KLHDC8A: variants seen among roughly 807,000 people sequenced by gnomAD.
KLHDC8A encodes kelch domain containing 8A.
KLHDC8A carries 21 observed loss-of-function variants against 33.1 expected under a neutral mutation model. The observed-to-expected ratio is 0.64, with a 90% confidence interval of 0.45 to 0.91. The LOEUF (loss-of-function observed/expected upper bound fraction) is 0.91, where lower values mean the gene tolerates loss of function less well. KLHDC8A is among the 40% of genes least tolerant of loss of function. The pLI, the probability that KLHDC8A is intolerant of heterozygous loss-of-function variation, is 0.00. For missense variants in KLHDC8A, 435 were observed against 483.3 expected, an observed-to-expected ratio of 0.90 and a Z score of 0.94; for synonymous variants, 173 against 193.5, an observed-to-expected ratio of 0.89 and a Z score of 0.88.
At chr1:205,350,895 C>G (rs1385334617) in intron 1 of KLHDC8A, among the ~76,000 whole-genome samples, 1 of 152,152 alleles carries the variant, frequency 6.6e-6, no homozygotes, top group South Asian at 2.1e-4. Context: ...GGAGCTGGCT[C>G]TCCTTCTGGC....
rs190965711 is a variant in KLHDC8A at position 205,338,226 on chromosome 1, G to A, written c.859+269C>T. On this transcript the variant is annotated intron_variant, in intron 5 of 5. Coordinates refer to ENST00000367155, the MANE Select transcript of KLHDC8A (RefSeq NM_018203.3). Reference sequence around the variant, plus strand: ...ATTCCCGTTTAGGGATCTGTGCTCAGTAAGCCTGTGCTGCACGGCTACGGG... The same window carrying A: ...ATTCCCGTTTAGGGATCTGTGCTCAATAAGCCTGTGCTGCACGGCTACGGG... Among the ~76,000 whole-genome samples, 19 of 152,342 alleles carry A rather than the reference G, an allele frequency of 1.2e-4. No individual in the cohort carries two copies. The East Asian group carries it at 3.5e-3, about 28-fold the overall frequency.
At chr1:205,353,083 T>C (rs1663163424) in intron 1 of KLHDC8A, among the ~76,000 whole-genome samples, 1 of 152,352 alleles carries the variant, frequency 6.6e-6, no homozygotes, top group South Asian at 2.1e-4. Flanking sequence ...TTGGGAATTA[T>C]GTTCTGAGAG....
chr1:205,353,797 G>A (rs764615804), intron 1 of KLHDC8A, among the ~76,000 whole-genome samples: 27 of 152,196 alleles, frequency 1.8e-4, no homozygotes, highest in Non-Finnish European at 3.5e-4. Context: ...GAGGGCCCTT[G>A]TTGTATACCA....
rs376172299 is a variant in KLHDC8A, at chr1:205,343,371, C to T, written c.234G>A (p.Gly78=). 4.1e-5 allele frequency: 66 copies of T among 1,613,790 alleles called. No individual in the cohort carries two copies. The South Asian group carries it at 6.5e-4, about 16-fold the overall frequency. The part of the protein sequence containing the change: ...ARAGVAVTAL[G]KRIMVIGGVG... ...CGCCCCCAATCACCATGATCCGCTT[C>T]CCCAGGGCGGTGACGGCCACCCCCG... Residue 78 remains glycine (G), a synonymous_variant, in exon 2 of 6, where the codon GGG becomes GGA. Coordinates refer to ENST00000367155, the MANE Select transcript of KLHDC8A (RefSeq NM_018203.3).
At chr1:205,354,644 C>T (rs1013221742) in intron 1 of KLHDC8A, among the ~76,000 whole-genome samples, 1 of 152,192 alleles carries the variant, frequency 6.6e-6, no homozygotes, top group Non-Finnish European at 1.5e-5. Context: ...CCTCGGGTTG[C>T]CAGTTTCCTC....
intron 1 of KLHDC8A, among the ~76,000 whole-genome samples, chr1:205,347,097 C>T (rs1474795798): frequency 6.6e-6 from 1 of 152,192 alleles, no homozygotes; most frequent in Admixed American, 6.5e-5. Context: ...TCTCCATCTC[C>T]CCCATCTCTC....
At position 205,337,364 on chromosome 1, in the gene KLHDC8A, A is replaced by G. The variant is rs1662660596; in HGVS notation, c.*35T>C. 1.3e-6 allele frequency: 2 copies of G among 1,523,184 alleles called. No homozygotes were observed. The highest frequency in any genetic ancestry group is 1.8e-6 in the Non-Finnish European group (2 of 1,099,328). The allele number at this position is 1,523,184 out of a possible 1,614,324, so 94.4% of individuals were successfully genotyped here. On this transcript the variant is annotated 3_prime_UTR_variant, in exon 6 of 6. Transcript: ENST00000367155. ...TTCCTCATGTTAAGAGTGAAGTGAT[A>G]TGGTCCAGGGCAAAGGTACTGAGCC...
chr1:205,350,176 T>C (rs890718863), intron 1 of KLHDC8A, among the ~76,000 whole-genome samples: 2 of 152,160 alleles, frequency 1.3e-5, no homozygotes, highest in African/African-American at 4.8e-5. Context: ...GAAGACTTTA[T>C]CAGGGCTTCC....
chr1:205,354,505 T>C (rs909035688), intron 1 of KLHDC8A, among the ~76,000 whole-genome samples: 27 of 152,172 alleles, frequency 1.8e-4, no homozygotes, highest in African/African-American at 6.3e-4. Flanking sequence ...TCAAGACCTA[T>C]ATGGGAGATG....
chr1:205,356,806 C>T lies in KLHDC8A; in HGVS notation c.-463G>A, dbSNP rs964987725. On this transcript the variant is annotated 5_prime_UTR_variant, in exon 1 of 6. Coordinates refer to ENST00000367155, the MANE Select transcript of KLHDC8A (RefSeq NM_018203.3). ...CCCTGAATGCACAGAAACTTGGGGT[C>T]CCTGAGTTCCAGGAGGCGTGACCCC... 3.5e-6 allele frequency: 1 copy of T among 286,478 alleles called. No homozygotes were observed. Among genetic ancestry groups the T allele is most frequent in the African/African-American group, 2.2e-5 (1 of 44,752 alleles). The allele number at this position is 286,478 out of a possible 1,614,324, so 17.7% of individuals were successfully genotyped here.
At chr1:205,340,507 CAG>C (rs1369806194) in intron 2 of KLHDC8A, among the ~76,000 whole-genome samples, 1 of 151,620 alleles carries the variant, frequency 6.6e-6, no homozygotes, top group African/African-American at 2.4e-5. Flanking sequence ...TTTTTTGAGA[CAG>C]AGTCTTGTTT....
rs752921670 is a variant in KLHDC8A, at chr1:205,337,536, A to G, written c.916T>C (p.Trp306Arg). The G allele has an allele frequency of 1.9e-5, 30 of 1,613,802 alleles. No homozygotes were observed. Among genetic ancestry groups the G allele is most frequent in the Non-Finnish European group, 2.4e-5 (28 of 1,179,942 alleles). ...AEAFHPGKNK[W>R]EILPAMPTPR... ...GTGGGCATGGCAGGGAGGATCTCCC[A>G]TTTGTTCTTCCCTGGGTGGAATGCT... The change falls in exon 6 of 6, where the codon TGG (tryptophan) becomes CGG (arginine). Residue 306 changes from tryptophan (W) to arginine (R), a missense_variant. Coordinates refer to ENST00000367155, the MANE Select transcript of KLHDC8A (RefSeq NM_018203.3).
chr1:205,345,960 A>T (rs1054094391), intron 1 of KLHDC8A, among the ~76,000 whole-genome samples: 1 of 152,194 alleles, frequency 6.6e-6, no homozygotes, highest in African/African-American at 2.4e-5. Flanking sequence ...TGTAATCCCA[A>T]CTACTCAGAA....
rs1366006946 is a variant in KLHDC8A at position 205,339,593 on chromosome 1, T to C, written c.541+51A>G. The C allele has an allele frequency of 2.5e-6, 4 of 1,590,932 alleles. No individual in the cohort carries two copies. The highest frequency in any genetic ancestry group is 3.4e-6 in the Non-Finnish European group (4 of 1,162,440). ...CACAGGCACTGCTTCCTATGGGAAC[T>C]GAGCCAAGGGAAGGAAGGAGGGTAG... On this transcript the variant is annotated intron_variant, in intron 3 of 5. Transcript: ENST00000367155. This position sits in a 1 kb window ranked among gnomAD's most constrained non-coding sequence, Gnocchi z 5.1.
In KLHDC8A at chr1:205,339,789, T is replaced by A; in HGVS notation, c.396A>T (p.Ala132=). The A allele has an allele frequency of 6.2e-7, 1 of 1,613,974 alleles. No homozygotes were observed. Among genetic ancestry groups the A allele is most frequent in the Non-Finnish European group, 8.5e-7 (1 of 1,179,960 alleles). ...VTAKDYRVYA[A]GGMGLDLRPH... Reference sequence around the variant, plus strand: ...GACGTAGGTCCAGGCCCATCCCGCCTGCCGCATATACTCGGTAATCTAAGA... The same window carrying A: ...GACGTAGGTCCAGGCCCATCCCGCCAGCCGCATATACTCGGTAATCTAAGA... Residue 132 remains alanine, a synonymous_variant, in exon 3 of 6, where the codon GCA becomes GCT. Transcript: ENST00000367155. This position sits in a 1 kb window ranked among gnomAD's most constrained non-coding sequence, Gnocchi z 5.1.
chr1:205,341,121 C>T (rs186172959), intron 2 of KLHDC8A, among the ~76,000 whole-genome samples: 120 of 152,292 alleles, frequency 7.9e-4, no homozygotes, highest in African/African-American at 2.8e-3. Flanking sequence ...CTCTACTACT[C>T]TTGACTGTAG....
rs1662625744 is a variant in KLHDC8A at position 205,336,209 on chromosome 1, G to C, written c.*1190C>G. The C allele has an allele frequency of 6.6e-6, 1 of 152,190 alleles. No individual in the cohort carries two copies. Among genetic ancestry groups the C allele is most frequent in the African/African-American group, 2.4e-5 (1 of 41,440 alleles). The allele number at this position is 152,190 out of a possible 1,614,324, so 9.4% of individuals were successfully genotyped here. ...AAAGAACCCTTTCTACTTTGGATAGGACAAAAATGAGCTTTGGCTGAATGA... is the reference window on the plus strand; with the variant it reads ...AAAGAACCCTTTCTACTTTGGATAGCACAAAAATGAGCTTTGGCTGAATGA... On this transcript the variant is annotated 3_prime_UTR_variant, in exon 6 of 6. Transcript: ENST00000367155.
chr1:205,343,102 A>C, intron 2 of KLHDC8A, 127 bp downstream of exon 2: 1 of 1,348,430 alleles, frequency 7.4e-7, no homozygotes, highest in Non-Finnish European at 1.0e-6. Flanking sequence ...TGCTGAACGC[A>C]TGGGGTCTGC....
chr1:205,336,565 G>A lies in KLHDC8A; in HGVS notation c.*834C>T, dbSNP rs1467232016. 6.6e-6 allele frequency: 1 copy of A among 152,638 alleles called. No homozygotes were observed. 9.5% of individuals were successfully genotyped at this position (152,638 alleles called of 1,614,324 possible). On this transcript the variant is annotated 3_prime_UTR_variant, in exon 6 of 6. Coordinates refer to ENST00000367155, the MANE Select transcript of KLHDC8A (RefSeq NM_018203.3). ...TTGTGCTGCTGCTATTAACCAGAGT[G>A]CAATTAATCCATCTTTTGTGGATTT...
Sources: allele counts gnomAD v4.1 joint callset (sites outside exome capture counted in the v4.1 genomes callset), GRCh38; gene constraint gnomAD v4.1.1; non-coding constraint Gnocchi (gnomAD v3.1); transcripts MANE v1.5; gene names NCBI Gene and HGNC (gene_info 2026-07-23, HGNC 2026-07-21).